Variants in NRXN3 observed in about 807,000 individuals in gnomAD.
NRXN3 encodes the protein neurexin 3, also known as neurexin III.
A neutral mutation model predicts 137.6 loss-of-function variants in NRXN3; 32 were observed. The observed-to-expected ratio is 0.23, with a 90% confidence interval of 0.18 to 0.31. The LOEUF is 0.31. NRXN3 is among the 10% of genes least tolerant of loss of function. The pLI, the probability that NRXN3 is intolerant of heterozygous loss-of-function variation, is 1.00. For synonymous variants in NRXN3, 798 were observed against 784.5 expected (o/e 1.02, Z -0.29); for missense variants, 1,574 against 2,062.5 (o/e 0.76, Z 4.59).
intron 10 of NRXN3, among the ~76,000 whole-genome samples, chr14:78,935,911 C>G (rs2099336840): frequency 6.6e-6 from 1 of 152,190 alleles, no homozygotes; most frequent in Admixed American, 6.5e-5. Flanking sequence ...CTATTTATAC[C>G]TTTCATTCAT....
At chr14:78,377,087 A>C (rs2088003927) in intron 4 of NRXN3, among the ~76,000 whole-genome samples, 1 of 152,238 alleles carries the variant, frequency 6.6e-6, no homozygotes, top group Admixed American at 6.5e-5. Context: ...TAATTACATT[A>C]AATGTAAATG....
chr14:78,845,265 G>A (rs1028389939), intron 10 of NRXN3, among the ~76,000 whole-genome samples: 1 of 152,010 alleles, frequency 6.6e-6, no homozygotes, highest in Non-Finnish European at 1.5e-5. Context: ...GCCAACTTTT[G>A]TGTTACTACA....
chr14:78,234,634 A>G (rs4903732), intron 1 of NRXN3, among the ~76,000 whole-genome samples: 92,217 of 151,846 alleles, frequency 0.61, 28,263 homozygotes, highest in Middle Eastern at 0.69. Context: ...AACCATCACC[A>G]TATCAAGCCC....
chr14:79,290,352 C>T (rs942535394), intron 15 of NRXN3, among the ~76,000 whole-genome samples: 3 of 152,184 alleles, frequency 2.0e-5, no homozygotes, highest in Non-Finnish European at 4.4e-5. Flanking sequence ...ACTGAACCCA[C>T]ATTGGTGTTT....
chr14:79,793,890 T>C (rs74064068), intron 19 of NRXN3, among the ~76,000 whole-genome samples: 7,623 of 152,302 alleles, frequency 0.05, 213 homozygotes, highest in Middle Eastern at 0.061. Context: ...AGCCCATATA[T>C]GCATGTGTCT....
At chr14:79,710,514 AGAGTG>A (rs1187267518) in intron 19 of NRXN3, among the ~76,000 whole-genome samples, 2 of 152,192 alleles carry the variant, frequency 1.3e-5, no homozygotes, top group Non-Finnish European at 2.9e-5. Context: ...GACCACAATA[AGAGTG>A]CTATTGTAAC....
chr14:79,033,957 C>T (rs1321554903), intron 15 of NRXN3, among the ~76,000 whole-genome samples: 1 of 152,100 alleles, frequency 6.6e-6, no homozygotes, highest in Admixed American at 6.6e-5. Context: ...CCTTTCTCCT[C>T]CAGTGGTATT....
intron 10 of NRXN3, among the ~76,000 whole-genome samples, chr14:78,856,657 T>A (rs1338771544): frequency 2.0e-5 from 3 of 152,190 alleles, no homozygotes; most frequent in African/African-American, 7.2e-5. Flanking sequence ...CTTCAAATAT[T>A]TATTCTGCCC....
chr14:79,459,574 C>T lies in NRXN3; in HGVS notation c.3263-7647C>T, dbSNP rs144861921. Among the ~76,000 whole-genome samples the T allele has an allele frequency of 4.4e-3, 667 of 152,072 alleles. 7 individuals carry two copies. Among genetic ancestry groups the T allele is most frequent in the African/African-American group, 0.015 (611 of 41,474 alleles). ...AATTCTAGCCTCCAGAATTGCAAGA[C>T]AATGAATTTCTGTTGTTAAAGTTAC... On this transcript the variant is annotated intron_variant, in intron 15 of 20. Coordinates refer to ENST00000335750, the MANE Select transcript of NRXN3 (RefSeq NM_001330195.2).
intron 20 of NRXN3, chr14:79,854,116 T>C (rs2099397516): frequency 1.0e-6 from 1 of 981,404 alleles, no homozygotes; most frequent in Non-Finnish European, 1.2e-6. Context: ...AAAAAGCAAG[T>C]TACAAGAATG....
intron 2 of NRXN3, among the ~76,000 whole-genome samples, chr14:78,251,560 A>AT (rs1486172123): frequency 1.3e-5 from 2 of 151,974 alleles, no homozygotes; most frequent in Non-Finnish European, 2.9e-5. Context: ...GTGTGATTTC[A>AT]TTTTTTTCTT....
At chr14:79,369,623 A>G (rs1230958176) in intron 15 of NRXN3, among the ~76,000 whole-genome samples, 1 of 152,000 alleles carries the variant, frequency 6.6e-6, no homozygotes, top group African/African-American at 2.4e-5. Context: ...ATTCTTTTTT[A>G]TGTTTGGTTT....
intron 2 of NRXN3, among the ~76,000 whole-genome samples, chr14:78,273,676 G>A (rs2073133939): frequency 6.6e-6 from 1 of 152,192 alleles, no homozygotes; most frequent in Non-Finnish European, 1.5e-5. Flanking sequence ...GTAAATATGT[G>A]TGTATACATA....
intron 10 of NRXN3, among the ~76,000 whole-genome samples, chr14:78,917,295 T>G (rs1597363594): frequency 6.6e-6 from 1 of 152,080 alleles, no homozygotes; most frequent in Non-Finnish European, 1.5e-5. Flanking sequence ...CAAAAAACAC[T>G]GGGGCTTACT....
At position 79,867,352 on chromosome 14, in the gene NRXN3, A is replaced by G. The variant is rs1362253910; in HGVS notation, c.*5388A>G. 1 of 152,230 alleles carries G rather than the reference A, an allele frequency of 6.6e-6. No individual in the cohort carries two copies. Among genetic ancestry groups the G allele is most frequent in the Non-Finnish European group, 1.5e-5 (1 of 68,044 alleles). The allele number at this position is 152,230 out of a possible 1,614,324, so 9.4% of individuals were successfully genotyped here. A position where few individuals can be genotyped will look rare whatever the true frequency, so the allele number is the denominator to read the frequency against. On this transcript the variant is annotated 3_prime_UTR_variant, in exon 21 of 21. Transcript: ENST00000335750. ...GGTAGACAACTGAAATGTATTTCTC[A>G]GTTCCAGAAACAAAGTTGCAGATCA...
At chr14:78,749,225 G>T (rs1400846870) in intron 8 of NRXN3, among the ~76,000 whole-genome samples, 2 of 152,310 alleles carry the variant, frequency 1.3e-5, no homozygotes, top group East Asian at 1.9e-4. Context: ...GTGGTAAAGA[G>T]ATGGTTCTAG....
Position 78,391,797 on chromosome 14 carries a change from T to A in NRXN3, c.757+93937T>A, listed in dbSNP as rs1187088081. On this transcript the variant is annotated intron_variant, in intron 4 of 20. Coordinates refer to ENST00000335750, the MANE Select transcript of NRXN3 (RefSeq NM_001330195.2). The stretch of plus-strand genomic sequence containing the variant: ...AATCTCAGAATGATATAGAGAAAAA[T>A]GTATTGGGTGTTGGCTTCTATAATT... Among the ~76,000 whole-genome samples, 4 of 152,130 alleles carry A rather than the reference T, an allele frequency of 2.6e-5. No individual in the cohort carries two copies. The East Asian group carries it at 7.7e-4, about 29-fold the overall frequency.
intron 19 of NRXN3, among the ~76,000 whole-genome samples, chr14:79,751,501 A>C (rs1230058010): frequency 6.6e-6 from 1 of 150,768 alleles, no homozygotes; most frequent in Non-Finnish European, 1.5e-5. Flanking sequence ...TAGATATACA[A>C]TCATGTCATC....
At chr14:78,675,328 G>T (rs2097990791) in intron 6 of NRXN3, among the ~76,000 whole-genome samples, 1 of 152,106 alleles carries the variant, frequency 6.6e-6, no homozygotes, top group African/African-American at 2.4e-5. Flanking sequence ...GAAATGAGTG[G>T]AATCTAAAAG....
Sources: gnomAD v4.1 joint callset for allele counts (sites outside exome capture counted in the v4.1 genomes callset) on GRCh38, gnomAD v4.1.1 for gene constraint, MANE v1.5 for transcripts, NCBI Gene and HGNC (gene_info 2026-07-23, HGNC 2026-07-21) for gene names.